LRRK1: variants seen among roughly 807,000 people sequenced by gnomAD.
LRRK1 encodes leucine-rich repeat serine/threonine-protein kinase 1.
In LRRK1, 113 loss-of-function variants were observed where a neutral mutation model predicts 209.1. The ratio of observed to expected loss-of-function variants is 0.54; its 90% confidence interval spans 0.46 to 0.63. The LOEUF is 0.63. LRRK1 is among the 30% of genes least tolerant of loss of function. The pLI, the probability that LRRK1 is intolerant of heterozygous loss-of-function variation, is 0.00. For missense variants in LRRK1, 2,284 were observed against 2,632.2 expected (o/e 0.87, Z 2.89); for synonymous variants, 1,144 against 1,099.7 (o/e 1.04, Z -0.80).
chr15:101,015,444 C>A (rs141055033), intron 12 of LRRK1, 42 bp downstream of exon 12: 1 of 1,490,224 alleles, frequency 6.7e-7, no homozygotes, highest in Non-Finnish European at 9.3e-7. Context: ...ATGAGACAGC[C>A]GGGGTAGCCT....
chr15:100,927,645 G>C (rs1054243812), intron 2 of LRRK1, among the ~76,000 whole-genome samples: 1 of 152,176 alleles, frequency 6.6e-6, no homozygotes, highest in African/African-American at 2.4e-5. Context: ...GAAGAGGAGA[G>C]GAAGATAGCC....
chr15:100,972,363 A>AGAGAGAGAGAGTGTGT (rs1176201849), intron 2 of LRRK1, among the ~76,000 whole-genome samples: 59 of 98,488 alleles, frequency 6.0e-4, no homozygotes, highest in South Asian at 1.4e-3. Flanking sequence ...AGAGAGAGAG[A>AGAGAGAGAGAGTGTGT]GTGTGTGTGT....
intron 26 of LRRK1, among the ~76,000 whole-genome samples, chr15:101,054,005 A>T (rs2141138458): frequency 6.6e-6 from 1 of 152,182 alleles, no homozygotes; most frequent in East Asian, 1.9e-4. Flanking sequence ...TTAATACAGG[A>T]TCTCACTTTG....
chr15:100,981,889 T>C (rs1374180262), intron 3 of LRRK1, among the ~76,000 whole-genome samples: 1 of 152,228 alleles, frequency 6.6e-6, no homozygotes, highest in African/African-American at 2.4e-5. Flanking sequence ...AACACACTTG[T>C]GTTATAAACT....
At position 101,068,813 on chromosome 15, in the gene LRRK1, G is replaced by A. The variant is rs1451056831; in HGVS notation, c.6013G>A (p.Gly2005Ser). 20 of 1,610,786 alleles carry A rather than the reference G, an allele frequency of 1.2e-5. No homozygotes were observed. In the South Asian group the frequency reaches 2.2e-4, roughly 18 times the overall value. The change falls in exon 34 of 34, where the codon GGC becomes AGC. Residue 2005 changes from glycine to serine, a missense_variant. Physicochemically the swap from Gly to Ser is moderately conservative, Grantham distance 56. Around this residue, in one of 6 missense-constraint regions of LRRK1, gnomAD observed 643 missense variants for 695.9 expected, o/e 0.92. Coordinates refer to ENST00000388948, the MANE Select transcript of LRRK1 (RefSeq NM_024652.6). Reference sequence around the variant, plus strand: ...TTTCTACCAGTCCTACGAGGAGCTGGGCCGGCTGGAGGCTTGCACTCGCAA... The same window carrying A: ...TTTCTACCAGTCCTACGAGGAGCTGAGCCGGCTGGAGGCTTGCACTCGCAA... ...DIFYQSYEELGRLEACTRKRR is the reference protein window; with the variant it reads ...DIFYQSYEELSRLEACTRKRR
intron 20 of LRRK1, among the ~76,000 whole-genome samples, chr15:101,042,126 C>T (rs7179035): frequency 0.12 from 18,639 of 152,228 alleles, 1,402 homozygotes; most frequent in Non-Finnish European, 0.16. Context: ...TTCTGGTGCT[C>T]TTCACTTCTT....
At position 100,962,817 on chromosome 15, in the gene LRRK1, A is replaced by G. The variant is rs933025781; in HGVS notation, c.98-10987A>G. Reference sequence around the variant, plus strand: ...TGCATATATATATATATATATATATATATATATTTTTTTTTTTTTTTTTGA... The same window carrying G: ...TGCATATATATATATATATATATATGTATATATTTTTTTTTTTTTTTTTGA... On this transcript the variant is annotated intron_variant, in intron 2 of 33. Transcript: ENST00000388948. Among the ~76,000 whole-genome samples, 6 of 21,200 alleles carry G rather than the reference A, an allele frequency of 2.8e-4. 2 individuals carry two copies. Among genetic ancestry groups the G allele is most frequent in the Non-Finnish European group, 5.5e-4 (5 of 9,034 alleles). 13.9% of individuals were successfully genotyped at this position (21,200 alleles called of 152,430 possible). A position where few individuals can be genotyped will look rare whatever the true frequency, so the allele number is the denominator to read the frequency against.
chr15:101,051,999 C>A, intron 24 of LRRK1, 39 bp downstream of exon 24: 1 of 1,593,170 alleles, frequency 6.3e-7, no homozygotes, highest in South Asian at 1.1e-5. Flanking sequence ...CAGTGCAGGT[C>A]ACAGGGGGCG....
chr15:101,048,671 G>C lies in LRRK1; in HGVS notation c.3299+14G>C, dbSNP rs751429574. 189 of 1,491,358 alleles carry C rather than the reference G, an allele frequency of 1.3e-4. 1 individual carries two copies. Among genetic ancestry groups the C allele is most frequent in the Non-Finnish European group, 1.6e-4 (184 of 1,126,350 alleles). 92.4% of individuals were successfully genotyped at this position (1,491,358 alleles called of 1,614,324 possible). On this transcript the variant is annotated intron_variant, in intron 22 of 33. Coordinates refer to ENST00000388948, the MANE Select transcript of LRRK1 (RefSeq NM_024652.6). ...GGGCTACCTCAGGTAGGAACACCTG[G>C]AAGCCCACCTGCCAGGTCAGCAGGT...
At chr15:100,974,686 C>T (rs963593464) in intron 3 of LRRK1, among the ~76,000 whole-genome samples, 3 of 152,100 alleles carry the variant, frequency 2.0e-5, no homozygotes, top group African/African-American at 7.2e-5. Flanking sequence ...AATGTTTTTG[C>T]CTCATTCTTT....
chr15:100,941,290 C>CCTGTA (rs2042402058), intron 2 of LRRK1, among the ~76,000 whole-genome samples: 4 of 28,182 alleles, frequency 1.4e-4, no homozygotes, highest in Non-Finnish European at 2.8e-4. Flanking sequence ...GTGTGTGTGT[C>CCTGTA]TGTGTGTGTC....
Position 101,045,473 on chromosome 15 carries a change from A to G in LRRK1, c.2964-508A>G, listed in dbSNP as rs1230673974. On this transcript the variant is annotated intron_variant, in intron 20 of 33. Transcript: ENST00000388948. ...TCCCTCTTCCGCACAAAACAGGCCT[A>G]TTCTAACTTTTAAGGCAATCGCGTC... is the stretch of plus-strand genomic sequence containing the variant. Among the ~76,000 whole-genome samples the G allele has an allele frequency of 2.0e-5, 3 of 152,366 alleles. No homozygotes were observed. The East Asian group carries it at 5.8e-4, about 29-fold the overall frequency.
At chr15:101,031,827 C>T (rs149186086) in intron 20 of LRRK1, among the ~76,000 whole-genome samples, 17,996 of 152,014 alleles carry the variant, frequency 0.12, 1,323 homozygotes, top group Non-Finnish European at 0.16. Context: ...CTCTGCCTCC[C>T]GGGTTCTTGC....
chr15:100,947,274 A>G (rs56241712), intron 2 of LRRK1, among the ~76,000 whole-genome samples: 21,462 of 152,186 alleles, frequency 0.14, 1,792 homozygotes, highest in South Asian at 0.25. Context: ...TTCAAATCAA[A>G]CAAAACACAG....
chr15:101,072,948 C>CGG lies in LRRK1; in HGVS notation c.*4105_*4106dup, dbSNP rs1284664341. ...ATTAAATTTGGTGCCGTAACTGGCG[C>CGG]GGGGGGAGGGGGGGGGGAACCTCCC... On this transcript the variant is annotated 3_prime_UTR_variant, in exon 34 of 34. Coordinates refer to ENST00000388948, the MANE Select transcript of LRRK1 (RefSeq NM_024652.6). The CGG allele has an allele frequency of 4.7e-4, 42 of 89,820 alleles. No individual in the cohort carries two copies. The highest frequency in any genetic ancestry group is 1.6e-3 in the African/African-American group (40 of 25,498). 5.6% of individuals were successfully genotyped at this position (89,820 alleles called of 1,614,324 possible). A position where few individuals can be genotyped will look rare whatever the true frequency, so the allele number is the denominator to read the frequency against.
intron 2 of LRRK1, among the ~76,000 whole-genome samples, chr15:100,926,750 C>T (rs867183211): frequency 1.0e-4 from 14 of 136,804 alleles, no homozygotes; most frequent in African/African-American, 5.6e-5. Context: ...AGTAGCATGA[C>T]CTCAGCTCAC....
chr15:101,015,287 G>T, intron 11 of LRRK1, 39 bp from the exon 12 acceptor site: 8 of 1,494,208 alleles, frequency 5.4e-6, no homozygotes, highest in Non-Finnish European at 7.5e-6. Flanking sequence ...TGCTTTTGTC[G>T]TGCTGTCCTC....
At position 101,071,288 on chromosome 15, in the gene LRRK1, C is replaced by T. The variant is rs374467214; in HGVS notation, c.*2440C>T. 1 of 152,352 alleles carries T rather than the reference C, an allele frequency of 6.6e-6. No individual in the cohort carries two copies. Among genetic ancestry groups the T allele is most frequent in the African/African-American group, 2.4e-5 (1 of 41,558 alleles). The allele number at this position is 152,352 out of a possible 1,614,324, so 9.4% of individuals were successfully genotyped here. On this transcript the variant is annotated 3_prime_UTR_variant, in exon 34 of 34. Transcript: ENST00000388948. ...ATGTCACTTACCACCCTCATGTTGGCAGAGGGTGGTAACCAGCCAGCATCT... is the reference window on the plus strand; with the variant it reads ...ATGTCACTTACCACCCTCATGTTGGTAGAGGGTGGTAACCAGCCAGCATCT...
intron 2 of LRRK1, among the ~76,000 whole-genome samples, chr15:100,952,099 G>A (rs375236951): frequency 9.2e-5 from 14 of 152,180 alleles, no homozygotes; most frequent in African/African-American, 3.1e-4. Context: ...ATTATTCCAC[G>A]TATATGACAT....
Sources: gnomAD v4.1 joint callset for allele counts (sites outside exome capture counted in the v4.1 genomes callset) on GRCh38, gnomAD v4.1.1 for gene constraint, gnomAD v4.1.1 regional missense constraint, MANE v1.5 for transcripts, NCBI Gene and HGNC (gene_info 2026-07-23, HGNC 2026-07-21) for gene names.